Variants in ST6GALNAC5 observed in about 807,000 individuals in gnomAD.
ST6GALNAC5 encodes the protein alpha-N-acetylgalactosaminide alpha-2,6-sialyltransferase 5.
ST6GALNAC5 carries 27 observed loss-of-function variants against 33.6 expected under a neutral mutation model. That is an observed-to-expected ratio of 0.80 (90% CI 0.59 to 1.11). The LOEUF is 1.11. Among genes scored for constraint, ST6GALNAC5 ranks in the 50% least tolerant of loss-of-function variants. The pLI, the probability that ST6GALNAC5 is intolerant of heterozygous loss-of-function variation, is 0.00. For synonymous variants in ST6GALNAC5, 194 were observed against 171.2 expected (o/e 1.13, Z -1.04); for missense variants, 428 against 454.0 (o/e 0.94, Z 0.52).
At chr1:76,969,392 G>T (rs570235688) in intron 2 of ST6GALNAC5, among the ~76,000 whole-genome samples, 1 of 152,346 alleles carries the variant, frequency 6.6e-6, no homozygotes, top group South Asian at 2.1e-4. Context: ...GCCGGGTTCA[G>T]CAAGTCCCAC....
rs549505640 is a variant in ST6GALNAC5 at position 77,058,003 on chromosome 1, G to A, written c.780-4972G>A. On this transcript the variant is annotated intron_variant, in intron 4 of 4. Coordinates refer to ENST00000477717, the MANE Select transcript of ST6GALNAC5 (RefSeq NM_030965.3). ...TGAGCAGCTCGCAAGCACCACACATGGGGCTCCTCTGTAGCAAGAGCTCGG... is the reference window on the plus strand; with the variant it reads ...TGAGCAGCTCGCAAGCACCACACATAGGGCTCCTCTGTAGCAAGAGCTCGG... Among the ~76,000 whole-genome samples the A allele has an allele frequency of 3.9e-5, 6 of 152,296 alleles. No homozygotes were observed. In the East Asian group the frequency reaches 1.2e-3, roughly 29 times the overall value.
At chr1:77,040,473 T>C (rs1054904982) in intron 2 of ST6GALNAC5, among the ~76,000 whole-genome samples, 1 of 152,208 alleles carries the variant, frequency 6.6e-6, no homozygotes, top group Non-Finnish European at 1.5e-5. Flanking sequence ...TGGCATGTTC[T>C]AGTGGTGCCC....
intron 2 of ST6GALNAC5, among the ~76,000 whole-genome samples, chr1:76,902,877 A>C (rs955530888): frequency 6.6e-6 from 1 of 152,148 alleles, no homozygotes; most frequent in Non-Finnish European, 1.5e-5. Flanking sequence ...ATATAGAAAA[A>C]TTAACTCAAA....
chr1:76,981,756 T>C (rs1649262033), intron 2 of ST6GALNAC5, among the ~76,000 whole-genome samples: 2 of 152,218 alleles, frequency 1.3e-5, no homozygotes, highest in South Asian at 2.1e-4. Flanking sequence ...ACACCTCATA[T>C]AGGTGGCTGC....
At chr1:77,035,524 A>G (rs2100452867) in intron 2 of ST6GALNAC5, among the ~76,000 whole-genome samples, 1 of 152,294 alleles carries the variant, frequency 6.6e-6, no homozygotes, top group Non-Finnish European at 1.5e-5. Flanking sequence ...GGGCCTCCAC[A>G]TACAAGGCTC....
At chr1:76,875,183 A>T (rs1469491887) in intron 2 of ST6GALNAC5, among the ~76,000 whole-genome samples, 1 of 152,204 alleles carries the variant, frequency 6.6e-6, no homozygotes, top group Non-Finnish European at 1.5e-5. Flanking sequence ...AATGATTACT[A>T]CCTTCTTCTA....
intron 2 of ST6GALNAC5, among the ~76,000 whole-genome samples, chr1:76,918,692 T>C (rs1360266029): frequency 6.6e-6 from 1 of 151,392 alleles, no homozygotes; most frequent in African/African-American, 2.4e-5. Context: ...TCCTTCTCAC[T>C]GCTTTGGAGT....
intron 2 of ST6GALNAC5, among the ~76,000 whole-genome samples, chr1:76,951,168 A>AC (rs1647727695): frequency 6.6e-6 from 1 of 152,120 alleles, no homozygotes; most frequent in Non-Finnish European, 1.5e-5. Flanking sequence ...ATCTGAACAA[A>AC]CCACGGATCA....
rs12047770 is a variant in ST6GALNAC5, at chr1:77,051,241, G to A, written c.779+876G>A. Among the ~76,000 whole-genome samples the A allele has an allele frequency of 4.7e-4, 71 of 152,302 alleles. 1 individual carries two copies. The East Asian group carries it at 0.012, about 25-fold the overall frequency. ...TTTAGGCAAAAGCTGCAATTTGGAG[G>A]TTTAAAGCAAAGATGAGAAACAGCA... On this transcript the variant is annotated intron_variant, in intron 4 of 4. Transcript: ENST00000477717.
At chr1:76,987,257 A>C (rs1649546596) in intron 2 of ST6GALNAC5, among the ~76,000 whole-genome samples, 1 of 152,138 alleles carries the variant, frequency 6.6e-6, no homozygotes, top group Admixed American at 6.6e-5. Flanking sequence ...AAGACAAATA[A>C]CTCAATTTTA....
At chr1:76,952,847 T>C (rs991088666) in intron 2 of ST6GALNAC5, among the ~76,000 whole-genome samples, 2 of 152,132 alleles carry the variant, frequency 1.3e-5, no homozygotes, top group African/African-American at 2.4e-5. Context: ...GCTTCCTCTT[T>C]CTATTGTTAC....
At chr1:77,058,056 C>T (rs879851807) in intron 4 of ST6GALNAC5, among the ~76,000 whole-genome samples, 5 of 152,218 alleles carry the variant, frequency 3.3e-5, no homozygotes, top group Non-Finnish European at 7.3e-5. Flanking sequence ...AAGCTGCTTT[C>T]AACCACACAC....
At chr1:76,944,762 C>T (rs1219252988) in intron 2 of ST6GALNAC5, among the ~76,000 whole-genome samples, 1 of 152,026 alleles carries the variant, frequency 6.6e-6, no homozygotes, top group Non-Finnish European at 1.5e-5. Flanking sequence ...CAGCATCCAG[C>T]CAAATGATAC....
chr1:76,872,374 G>A (rs1653531114), intron 2 of ST6GALNAC5, among the ~76,000 whole-genome samples: 1 of 152,124 alleles, frequency 6.6e-6, no homozygotes, highest in South Asian at 2.1e-4. Context: ...GGTGATCAAT[G>A]GGGTCTACAG....
At chr1:76,920,713 C>A (rs1647026084) in intron 2 of ST6GALNAC5, among the ~76,000 whole-genome samples, 1 of 152,140 alleles carries the variant, frequency 6.6e-6, no homozygotes, top group Non-Finnish European at 1.5e-5. Context: ...ATGGCTGGCC[C>A]AAAGTCAGCC....
At chr1:77,008,175 G>C (rs1474752) in intron 2 of ST6GALNAC5, among the ~76,000 whole-genome samples, 29,512 of 152,082 alleles carry the variant, frequency 0.19, 3,411 homozygotes, top group African/African-American at 0.32. Flanking sequence ...GAGGGGCTGG[G>C]ACTCTCTGCA....
At chr1:76,967,390 T>C (rs1648540694) in intron 2 of ST6GALNAC5, among the ~76,000 whole-genome samples, 1 of 152,196 alleles carries the variant, frequency 6.6e-6, no homozygotes, top group Non-Finnish European at 1.5e-5. Flanking sequence ...TGCATAGAGG[T>C]GTTCATAGTA....
At chr1:76,877,135 T>A (rs1475971289) in intron 2 of ST6GALNAC5, among the ~76,000 whole-genome samples, 1 of 152,180 alleles carries the variant, frequency 6.6e-6, no homozygotes, top group Non-Finnish European at 1.5e-5. Flanking sequence ...AATGATCAGT[T>A]TCCACCAAAG....
chr1:77,044,143 G>A, intron 2 of ST6GALNAC5, 61 bp from the exon 3 acceptor site: 1 of 1,512,456 alleles, frequency 6.6e-7, no homozygotes, highest in Non-Finnish European at 8.9e-7. Context: ...GTAGCCTGCT[G>A]GTGCTGAGTG....
Sources: allele counts gnomAD v4.1 joint callset (sites outside exome capture counted in the v4.1 genomes callset), GRCh38; gene constraint gnomAD v4.1.1; transcripts MANE v1.5; gene names NCBI Gene and HGNC (gene_info 2026-07-23, HGNC 2026-07-21).